WDPCP: variants seen among roughly 807,000 people sequenced by gnomAD.
WDPCP encodes WD repeat containing planar cell polarity effector, also known as WD repeat-containing and planar cell polarity effector protein fritz homolog.
Under a neutral mutation model 93.1 loss-of-function variants are expected in WDPCP, and 71 were observed. That is an observed-to-expected ratio of 0.76 (90% CI 0.63 to 0.93). The LOEUF (loss-of-function observed/expected upper bound fraction) is 0.93, where lower values mean the gene tolerates loss of function less well. WDPCP is among the 40% of genes least tolerant of loss of function. The pLI, the probability that WDPCP is intolerant of heterozygous loss-of-function variation, is 0.00. For synonymous variants in WDPCP, 315 were observed against 315.0 expected, an observed-to-expected ratio of 1.00 and a Z score of 0.00; for missense variants, 844 against 887.4, an observed-to-expected ratio of 0.95 and a Z score of 0.62.
chr2:63,684,272 C>T (rs1575746937), intron 2 of WDPCP: 2 of 536,800 alleles, frequency 3.7e-6, no homozygotes, highest in African/African-American at 3.9e-5. Context: ...AAGAAACGCC[C>T]TTTTTGCTGT....
chr2:63,559,287 G>A (rs1706390642), intron 1 of WDPCP, among the ~76,000 whole-genome samples: 1 of 151,998 alleles, frequency 6.6e-6, no homozygotes, highest in African/African-American at 2.4e-5. Context: ...CAAAATAATA[G>A]CGATTTATGA....
At chr2:63,166,326 A>C (rs1441612797) in intron 15 of WDPCP, among the ~76,000 whole-genome samples, 1 of 151,978 alleles carries the variant, frequency 6.6e-6, no homozygotes, top group Non-Finnish European at 1.5e-5. Context: ...TGGCCTCCCA[A>C]AGTGCTGGGA....
intron 12 of WDPCP, among the ~76,000 whole-genome samples, chr2:63,347,975 G>A (rs1022960709): frequency 6.6e-6 from 1 of 152,126 alleles, no homozygotes; most frequent in Non-Finnish European, 1.5e-5. Context: ...CCTAATGCTT[G>A]ATGTCCTGTG....
At chr2:63,787,611 C>G (rs1340468200) in intron 2 of WDPCP, among the ~76,000 whole-genome samples, 4 of 152,180 alleles carry the variant, frequency 2.6e-5, no homozygotes, top group Non-Finnish European at 4.4e-5. Context: ...AAACATATAT[C>G]ATGGAGCAGC....
chr2:63,674,040 C>A (rs1710375815), intron 2 of WDPCP, among the ~76,000 whole-genome samples: 1 of 152,122 alleles, frequency 6.6e-6, no homozygotes, highest in South Asian at 2.1e-4. Context: ...GTCTCATGTC[C>A]CCAAAGCCTC....
At chr2:63,771,337 C>CA (rs199822027) in intron 2 of WDPCP, among the ~76,000 whole-genome samples, 16 of 151,092 alleles carry the variant, frequency 1.1e-4, no homozygotes, top group South Asian at 2.1e-4. Flanking sequence ...TCAAGCGACA[C>CA]AAAAAAAATA....
chr2:63,710,599 T>C (rs1405448831), intron 2 of WDPCP, among the ~76,000 whole-genome samples: 1 of 152,060 alleles, frequency 6.6e-6, no homozygotes, highest in African/African-American at 2.4e-5. Flanking sequence ...AACTAAGAAA[T>C]AATAAGCGTA....
chr2:63,329,606 A>G (rs765596915), intron 12 of WDPCP, among the ~76,000 whole-genome samples: 1 of 152,106 alleles, frequency 6.6e-6, no homozygotes, highest in Non-Finnish European at 1.5e-5. Context: ...TTTGTATATC[A>G]ATGTTTCTCA....
At chr2:63,732,937 A>G (rs1558897439) in intron 2 of WDPCP, among the ~76,000 whole-genome samples, 1 of 152,234 alleles carries the variant, frequency 6.6e-6, no homozygotes, top group Non-Finnish European at 1.5e-5. Flanking sequence ...AATTGGACAT[A>G]CATGCACAGT....
At chr2:63,700,238 G>A (rs1473891885) in intron 2 of WDPCP, among the ~76,000 whole-genome samples, 4 of 138,448 alleles carry the variant, frequency 2.9e-5, no homozygotes, top group Admixed American at 1.5e-4. Flanking sequence ...AGCCACGATC[G>A]TGCCACTGTA....
At chr2:63,412,947 CAA>C (rs1695131278) in intron 9 of WDPCP, among the ~76,000 whole-genome samples, 1 of 152,128 alleles carries the variant, frequency 6.6e-6, no homozygotes, top group Admixed American at 6.5e-5. Context: ...ACCATACTGC[CAA>C]AAGCAATCTA....
intron 2 of WDPCP, among the ~76,000 whole-genome samples, chr2:63,725,666 G>A (rs1297737017): frequency 6.6e-6 from 1 of 152,158 alleles, no homozygotes; most frequent in Non-Finnish European, 1.5e-5. Context: ...CCCACCAACA[G>A]TATGTAGGTG....
At position 63,382,011 on chromosome 2, in the gene WDPCP, T is replaced by C. The variant is rs754985173; in HGVS notation, c.1519A>G (p.Ile507Val). Residue 507 changes from isoleucine (I) to valine (V), a missense_variant, in exon 11 of 18, where the codon ATC becomes GTC. Physicochemically the swap from Ile to Val is conservative, Grantham distance 29. Transcript: ENST00000272321. ...HCDEIYEAIN[I>V]LSSMNWDTLG... ...GTGTCCCAGTTCATGCTGCTCAGGA[T>C]GTTTATTGCCTCATAGATCTCATCA... 3.1e-6 allele frequency: 5 copies of C among 1,613,452 alleles called. No homozygotes were observed. The South Asian group carries it at 3.3e-5, about 11-fold the overall frequency.
intron 4 of WDPCP, among the ~76,000 whole-genome samples, chr2:63,486,089 C>T (rs1700559047): frequency 2.0e-5 from 3 of 151,540 alleles, no homozygotes; most frequent in Admixed American, 1.3e-4. Context: ...TCATTAAAAC[C>T]GTATTACATT....
At chr2:63,414,472 T>TATAC (rs1553382257) in intron 9 of WDPCP, among the ~76,000 whole-genome samples, 5 of 148,796 alleles carry the variant, frequency 3.4e-5, no homozygotes, top group Non-Finnish European at 6.0e-5. Flanking sequence ...CACACACATA[T>TATAC]ACACACACAC....
At chr2:63,804,013 T>C (rs1670728611) in intron 2 of WDPCP, among the ~76,000 whole-genome samples, 1 of 152,208 alleles carries the variant, frequency 6.6e-6, no homozygotes, top group African/African-American at 2.4e-5. Flanking sequence ...TGGCATTGAA[T>C]TGAAATAGTT....
At chr2:63,613,545 A>G (rs114628978) in intron 3 of WDPCP, among the ~76,000 whole-genome samples, 33 of 152,350 alleles carry the variant, frequency 2.2e-4, no homozygotes, top group African/African-American at 7.7e-4. Context: ...CTGTAGCAGT[A>G]CAGGCACAGT....
intron 3 of WDPCP, among the ~76,000 whole-genome samples, chr2:63,631,864 G>A (rs1709868192): frequency 6.6e-6 from 1 of 152,222 alleles, no homozygotes; most frequent in African/African-American, 2.4e-5. Context: ...ACTCTGTGCA[G>A]CTTTCACTGT....
chr2:63,210,623 C>A (rs1676703955), intron 14 of WDPCP, among the ~76,000 whole-genome samples: 1 of 152,146 alleles, frequency 6.6e-6, no homozygotes, highest in South Asian at 2.1e-4. Context: ...ACAGTGGGTG[C>A]AGCCCATGGA....
Sources: gnomAD v4.1 joint callset for allele counts (sites outside exome capture counted in the v4.1 genomes callset) on GRCh38, gnomAD v4.1.1 for gene constraint, MANE v1.5 for transcripts, NCBI Gene and HGNC (gene_info 2026-07-23, HGNC 2026-07-21) for gene names.